Variants in ZNF789 observed in about 807,000 individuals in gnomAD.
ZNF789 encodes the protein zinc finger protein 789.
Under a neutral mutation model 15.6 loss-of-function variants are expected in ZNF789, and 11 were observed. That is an observed-to-expected ratio of 0.70 (90% CI 0.44 to 1.16). The LOEUF is 1.16. Ranked by LOEUF, ZNF789 falls within the 50% of genes most tolerant of loss-of-function variation. The pLI is 0.00. For synonymous variants in ZNF789, 159 were observed against 176.0 expected (o/e 0.90, Z 0.76); for missense variants, 461 against 512.6 (o/e 0.90, Z 0.97).
chr7:99,484,989 A>G (rs1303322707), intron 4 of ZNF789, among the ~76,000 whole-genome samples: 1 of 152,126 alleles, frequency 6.6e-6, no homozygotes, highest in East Asian at 1.9e-4. Flanking sequence ...TAGAATGCTT[A>G]TCCTCTCTCT....
intron 3 of ZNF789, chr7:99,482,389 G>GT: frequency 3.2e-6 from 2 of 626,144 alleles, no homozygotes; most frequent in Non-Finnish European, 2.9e-6. Context: ...GTGCACCTGC[G>GT]TTTTGACTGC....
intron 2 of ZNF789, among the ~76,000 whole-genome samples, 171 bp downstream of exon 2, chr7:99,476,651 T>C (rs911538440): frequency 6.6e-6 from 1 of 152,250 alleles, no homozygotes; most frequent in Admixed American, 6.5e-5. Context: ...ATAAACACTC[T>C]GGCTCCAGTT....
At chr7:99,478,264 C>T in intron 2 of ZNF789, 1 of 1,288,104 alleles carries the variant, frequency 7.8e-7, no homozygotes, top group Non-Finnish European at 1.0e-6. Context: ...TGCTTGTTAA[C>T]CTTGTGCAGG....
intron 2 of ZNF789, among the ~76,000 whole-genome samples, chr7:99,476,796 T>C (rs1469092550): frequency 6.6e-6 from 1 of 152,242 alleles, no homozygotes; most frequent in Non-Finnish European, 1.5e-5. Context: ...TTGCTCTTAT[T>C]ACCGTAGTAG....
intron 3 of ZNF789, chr7:99,480,969 A>G (rs1202939185): frequency 1.3e-5 from 2 of 152,248 alleles, no homozygotes; most frequent in Non-Finnish European, 2.9e-5. Flanking sequence ...AGGAGCATAC[A>G]TAAGTACATG....
chr7:99,485,586 CT>C (rs1241109079), intron 4 of ZNF789, among the ~76,000 whole-genome samples: 1 of 152,194 alleles, frequency 6.6e-6, no homozygotes, highest in Non-Finnish European at 1.5e-5. Context: ...AATCCCAACA[CT>C]TTTGGAGGCC....
Position 99,487,302 on chromosome 7 carries a change from A to G in ZNF789, c.1092A>G (p.Thr364=). Residue 364 remains threonine (T), a synonymous_variant, in exon 5 of 5, where the codon ACA becomes ACG. Coordinates refer to ENST00000331410, the MANE Select transcript of ZNF789 (RefSeq NM_213603.3). Reference sequence around the variant, plus strand: ...TCATTCAGCATCAAAGAATCCATACAAAGGAGGAATTCTTTCAATGTGGAG... The same window carrying G: ...TCATTCAGCATCAAAGAATCCATACGAAGGAGGAATTCTTTCAATGTGGAG... ...VDLIQHQRIH[T]KEEFFQCGEC... The G allele has an allele frequency of 1.9e-6, 3 of 1,614,214 alleles. No individual in the cohort carries two copies. The highest frequency in any genetic ancestry group is 2.5e-6 in the Non-Finnish European group (3 of 1,180,030).
rs1347645065 is a variant in ZNF789 at position 99,487,222 on chromosome 7, C to T, written c.1012C>T (p.Pro338Ser). 2.5e-6 allele frequency: 4 copies of T among 1,614,008 alleles called. No individual in the cohort carries two copies. The highest frequency in any genetic ancestry group is 3.3e-5 in the Admixed American group (2 of 59,980). Reference sequence around the variant, plus strand: ...ATGTCATCAACAGATTCACAGTAAACCGAACACCCATAAATGCAGTGAATG... The same window carrying T: ...ATGTCATCAACAGATTCACAGTAAATCGAACACCCATAAATGCAGTGAATG... The part of the protein sequence containing the change: ...LLCHQQIHSK[P>S]NTHKCSECGQ... Residue 338 changes from proline to serine, a missense_variant, in exon 5 of 5, where the codon CCG becomes TCG. Physicochemically the swap from Pro to Ser is moderately conservative, Grantham distance 74. Coordinates refer to ENST00000331410, the MANE Select transcript of ZNF789 (RefSeq NM_213603.3).
At chr7:99,479,492 TG>T in intron 2 of ZNF789, 168 bp from the exon 3 acceptor site, 1 of 637,372 alleles carries the variant, frequency 1.6e-6, no homozygotes, top group Non-Finnish European at 2.4e-6. Flanking sequence ...AGCACATGTC[TG>T]GCCTGAGGGC....
intron 1 of ZNF789, among the ~76,000 whole-genome samples, chr7:99,473,394 T>C (rs570621964): frequency 6.6e-6 from 1 of 152,302 alleles, no homozygotes; most frequent in Non-Finnish European, 1.5e-5. Context: ...GAGTTTATTG[T>C]GCATGCAGAG....
rs1460266047 is a variant in ZNF789, at chr7:99,476,496, C to T, written c.24+16C>T. On this transcript the variant is annotated intron_variant, in intron 2 of 4. Transcript: ENST00000331410. ...CAGGGGGAAGGTGAGCTGTGCCTCC[C>T]CCTCTGCTTCATCAGCATAGTCACT... 1 of 1,611,090 alleles carries T rather than the reference C, an allele frequency of 6.2e-7. No homozygotes were observed. The highest frequency in any genetic ancestry group is 1.3e-5 in the African/African-American group (1 of 74,850).
chr7:99,487,564 C>G lies in ZNF789; in HGVS notation c.*76C>G. The G allele has an allele frequency of 6.7e-7, 1 of 1,488,456 alleles. No homozygotes were observed. Among genetic ancestry groups the G allele is most frequent in the African/African-American group, 1.4e-5 (1 of 71,010 alleles). The allele number at this position is 1,488,456 out of a possible 1,614,324, so 92.2% of individuals were successfully genotyped here. ...TCAAGTGTGTATCACGTAATTGTTT[C>G]CATGAAAAGCAATAAATGTAACAAA... On this transcript the variant is annotated 3_prime_UTR_variant, in exon 5 of 5. Transcript: ENST00000331410.
chr7:99,482,123 C>G (rs1199659946), intron 3 of ZNF789: 3 of 779,690 alleles, frequency 3.8e-6, no homozygotes, highest in Non-Finnish European at 7.2e-6. Flanking sequence ...GTAGCTTCTT[C>G]AAGCTACGCT....
intron 2 of ZNF789, chr7:99,478,183 C>G (rs1420220037): frequency 2.3e-6 from 2 of 887,574 alleles, no homozygotes; most frequent in Admixed American, 5.8e-5. Context: ...TTTCCAAGAA[C>G]CTATTGTGGA....
intron 4 of ZNF789, among the ~76,000 whole-genome samples, chr7:99,484,601 CAG>C (rs1349109376): frequency 6.6e-6 from 1 of 151,988 alleles, no homozygotes; most frequent in Non-Finnish European, 1.5e-5. Flanking sequence ...GCCTGGGTGA[CAG>C]AGCAAGACTG....
In ZNF789 at chr7:99,487,145, G is replaced by A. The variant is rs1236323667; in HGVS notation, c.935G>A (p.Arg312His). 4.3e-6 allele frequency: 7 copies of A among 1,613,984 alleles called. No individual in the cohort carries two copies. Among genetic ancestry groups the A allele is most frequent in the Middle Eastern group, 1.6e-4 (1 of 6,084 alleles). The change falls in exon 5 of 5, where the codon CGC becomes CAC. Residue 312 changes from arginine (R) to histidine (H), a missense_variant. Transcript: ENST00000331410. ...CAGGTGATCCATAGTGGAGAAAAAC[G>A]CCATAAATGCCTTGAGTGTGGAAAA... is the stretch of plus-strand genomic sequence containing the variant. ...RHQVIHSGEK[R>H]HKCLECGKAF...
chr7:99,483,648 A>G lies in ZNF789; in HGVS notation c.152-382A>G, dbSNP rs879124929. On this transcript the variant is annotated intron_variant, in intron 3 of 4. Transcript: ENST00000331410. ...CAAAAATAAAAAAAATAAACAATTG[A>G]ATACAAGGATTTTTAATATCTGCCT... 101 of 772,056 alleles carry G rather than the reference A, an allele frequency of 1.3e-4. No individual in the cohort carries two copies. The South Asian group carries it at 1.3e-3, about 10-fold the overall frequency. 47.8% of individuals were successfully genotyped at this position (772,056 alleles called of 1,614,324 possible). A position where few individuals can be genotyped will look rare whatever the true frequency, so the allele number is the denominator to read the frequency against.
chr7:99,477,484 G>A (rs1256570564), intron 2 of ZNF789, among the ~76,000 whole-genome samples: 4 of 149,562 alleles, frequency 2.7e-5, no homozygotes, highest in African/African-American at 1.0e-4. Context: ...GGGACCACAG[G>A]TACATGCCAC....
chr7:99,486,398 C>T, intron 4 of ZNF789, 78 bp from the exon 5 acceptor site: 1 of 1,312,742 alleles, frequency 7.6e-7, no homozygotes, highest in Non-Finnish European at 1.0e-6. Context: ...TGTCCTAGAC[C>T]CCTAACAGTT....
Sources: allele counts gnomAD v4.1 joint callset (sites outside exome capture counted in the v4.1 genomes callset), GRCh38; gene constraint gnomAD v4.1.1; transcripts MANE v1.5; gene names NCBI Gene and HGNC (gene_info 2026-07-23, HGNC 2026-07-21).